The following KDM4B variants were observed in gnomAD, a reference collection of about 807,000 sequenced individuals.
The protein encoded by KDM4B is lysine demethylase 4B, also known as lysine-specific demethylase 4B.
A neutral mutation model predicts 125.2 loss-of-function variants in KDM4B; 32 were observed. The observed-to-expected ratio is 0.26, with a 90% confidence interval of 0.19 to 0.34. The LOEUF (loss-of-function observed/expected upper bound fraction) is 0.34, where lower values mean the gene tolerates loss of function less well. Ranked by LOEUF, KDM4B falls within the 10% of genes least tolerant of loss-of-function variation. The pLI, the probability that KDM4B is intolerant of heterozygous loss-of-function variation, is 1.00. For missense variants in KDM4B, 1,190 were observed against 1,577.7 expected (o/e 0.75, Z 4.16); for synonymous variants, 721 against 677.9 (o/e 1.06, Z -0.99).
At chr19:5,027,666 G>C (rs1375033951) in intron 2 of KDM4B, among the ~76,000 whole-genome samples, 1 of 150,212 alleles carries the variant, frequency 6.7e-6, no homozygotes, top group Non-Finnish European at 1.5e-5. Context: ...TCAGCCTCCT[G>C]AGTAGCTGGG....
At chr19:5,064,113 C>A (rs922518899) in intron 6 of KDM4B, among the ~76,000 whole-genome samples, 3 of 152,176 alleles carry the variant, frequency 2.0e-5, no homozygotes, top group South Asian at 2.1e-4. Flanking sequence ...GCGAGGGTGG[C>A]GGTCACCATG....
intron 14 of KDM4B, among the ~76,000 whole-genome samples, chr19:5,134,867 C>G (rs1450131766): frequency 6.6e-6 from 1 of 152,192 alleles, no homozygotes; most frequent in Non-Finnish European, 1.5e-5. Context: ...CTGAGACAAA[C>G]AAGACCTGAC....
intron 9 of KDM4B, among the ~76,000 whole-genome samples, chr19:5,108,225 G>C (rs1461005234): frequency 6.6e-6 from 1 of 152,244 alleles, no homozygotes; most frequent in African/African-American, 2.4e-5. Flanking sequence ...CTAAGCTGCT[G>C]TGGATGGGGA....
rs915193986 is a variant in KDM4B at position 5,113,788 on chromosome 19, A to C, written c.1115+2970A>C. The C allele has an allele frequency of 7.4e-6, 5 of 673,214 alleles. No homozygotes were observed. The African/African-American group carries it at 9.8e-5, about 13-fold the overall frequency. The allele number at this position is 673,214 out of a possible 1,614,324, so 41.7% of individuals were successfully genotyped here. The stretch of plus-strand genomic sequence containing the variant: ...GCGTGGGAACCCCTGCCCTAGACCA[A>C]GGGATGGCATCAGGGTGGGCGCCAT... On this transcript the variant is annotated intron_variant, in intron 10 of 22. Transcript: ENST00000159111.
chr19:5,030,749 G>A (rs1371511003), intron 2 of KDM4B, among the ~76,000 whole-genome samples: 1 of 152,254 alleles, frequency 6.6e-6, no homozygotes, highest in Non-Finnish European at 1.5e-5. Context: ...GGGCCTCTGT[G>A]CCTCCTCAAT....
rs2036507156 is a variant in KDM4B at position 5,033,025 on chromosome 19, G to A, written c.135G>A (p.Leu45=). 1.9e-6 allele frequency: 3 copies of A among 1,613,272 alleles called. No individual in the cohort carries two copies. The highest frequency in any genetic ancestry group is 8.5e-7 in the Non-Finnish European group (1 of 1,179,812). ...CGCAGGGAGCCCACCGGGCGGGCCTGGCCAAGGTGGGTGACATCCTGGCCC... is the reference window on the plus strand; with the variant it reads ...CGCAGGGAGCCCACCGGGCGGGCCTAGCCAAGGTGGGTGACATCCTGGCCC... The part of the protein sequence containing the change: ...IESQGAHRAG[L]AKIIPPKEWK... Residue 45 remains leucine, a synonymous_variant, in exon 3 of 23, where the codon CTG becomes CTA. Coordinates refer to ENST00000159111, the MANE Select transcript of KDM4B (RefSeq NM_015015.3).
At chr19:5,144,456 A>C (rs1015375066) in intron 20 of KDM4B, 44 bp downstream of exon 20, 1 of 1,500,756 alleles carries the variant, frequency 6.7e-7, no homozygotes. Context: ...GGCTGGGAGC[A>C]CAGCGACAAC....
intron 6 of KDM4B, among the ~76,000 whole-genome samples, chr19:5,055,254 C>T (rs1221349799): frequency 2.0e-5 from 3 of 152,200 alleles, no homozygotes; most frequent in Non-Finnish European, 2.9e-5. Context: ...TCGGGGCACT[C>T]ACCGGGGCTC....
intron 1 of KDM4B, among the ~76,000 whole-genome samples, chr19:5,008,584 T>A (rs2035630943): frequency 6.6e-6 from 1 of 150,704 alleles, no homozygotes; most frequent in Admixed American, 6.6e-5. Context: ...TTCTTCTTTT[T>A]CTTTTTCTTT....
At chr19:5,055,466 A>G (rs977856233) in intron 6 of KDM4B, among the ~76,000 whole-genome samples, 5 of 152,156 alleles carry the variant, frequency 3.3e-5, no homozygotes, top group African/African-American at 1.2e-4. Context: ...CGGTGTTTGG[A>G]TGGTCGATTG....
At chr19:5,002,689 G>A (rs140970167) in intron 1 of KDM4B, among the ~76,000 whole-genome samples, 83 of 152,042 alleles carry the variant, frequency 5.5e-4, no homozygotes, top group African/African-American at 1.6e-3. Context: ...AGCTGGGCAC[G>A]GTGGCTTACA....
chr19:5,151,373 G>C lies in KDM4B; in HGVS notation c.3153G>C (p.Ser1051=), dbSNP rs201917119. The change falls in exon 23 of 23, where the codon TCG becomes TCC. Residue 1051 remains serine (S), a synonymous_variant. Coordinates refer to ENST00000159111, the MANE Select transcript of KDM4B (RefSeq NM_015015.3). ...STGAPQEPAF[S]GEEAKAAKRP... is the part of the protein sequence containing the mutation. Reference sequence around the variant, plus strand: ...GGGCACCGCAGGAGCCCGCCTTCTCGGGGGAGGAGGCCAAGGCCGCCAAGC... The same window carrying C: ...GGGCACCGCAGGAGCCCGCCTTCTCCGGGGAGGAGGCCAAGGCCGCCAAGC... 1.4e-3 allele frequency: 2,243 copies of C among 1,587,110 alleles called. 2 individuals carry two copies. Among genetic ancestry groups the C allele is most frequent in the Middle Eastern group, 2.3e-3 (12 of 5,166 alleles).
At chr19:5,140,441 AAG>A (rs2146089689) in intron 18 of KDM4B, 1 of 152,526 alleles carries the variant, frequency 6.6e-6, no homozygotes, top group African/African-American at 2.4e-5. Context: ...CTGGCCCAGA[AAG>A]AAGATGAGGA....
intron 15 of KDM4B, among the ~76,000 whole-genome samples, chr19:5,136,350 G>T (rs1438107571): frequency 6.6e-6 from 1 of 152,222 alleles, no homozygotes; most frequent in Non-Finnish European, 1.5e-5. Flanking sequence ...CCCACGCACG[G>T]GGGGGCGGTG....
chr19:5,137,790 G>A lies in KDM4B; in HGVS notation c.2441+114G>A, dbSNP rs2039675495. ...GGTTGACCATCACCTCCACATAACC[G>A]CCCTGTGTCATGGATGGGGTGGCCA... On this transcript the variant is annotated intron_variant, in intron 17 of 22. Transcript: ENST00000159111. 2.8e-5 allele frequency: 31 copies of A among 1,120,242 alleles called. No homozygotes were observed. The South Asian group carries it at 3.0e-4, about 11-fold the overall frequency. 69.4% of individuals were successfully genotyped at this position (1,120,242 alleles called of 1,614,324 possible).
At chr19:5,070,963 G>A (rs961634408) in intron 6 of KDM4B, 47 bp from the exon 7 acceptor site, 3 of 1,608,578 alleles carry the variant, frequency 1.9e-6, no homozygotes, top group African/African-American at 1.3e-5. Flanking sequence ...ACCCCCTTGC[G>A]TGGCTGCCAC....
intron 18 of KDM4B, among the ~76,000 whole-genome samples, chr19:5,139,184 G>A (rs2039699611): frequency 6.6e-6 from 1 of 152,176 alleles, no homozygotes; most frequent in Admixed American, 6.5e-5. Context: ...GGCCTCCTGG[G>A]TAGCTGGGAT....
At chr19:5,006,235 C>T (rs1267012380) in intron 1 of KDM4B, among the ~76,000 whole-genome samples, 6 of 152,112 alleles carry the variant, frequency 3.9e-5, no homozygotes, top group Non-Finnish European at 8.8e-5. Flanking sequence ...TGGAACCCCA[C>T]CCTGCCTCTG....
rs371759291 is a variant in KDM4B at position 5,038,251 on chromosome 19, C to T, written c.142-1585C>T. 2.6e-5 allele frequency among the ~76,000 whole-genome samples: 4 copies of T among 152,204 alleles called. No individual in the cohort carries two copies. The East Asian group carries it at 5.8e-4, about 22-fold the overall frequency. On this transcript the variant is annotated intron_variant, in intron 3 of 22. Transcript: ENST00000159111. ...CCCGGAGCGGCTGGGAGGGCCTGCACAGAAGGGTGCCTGGCACCCAGAAGG... is the reference window on the plus strand; with the variant it reads ...CCCGGAGCGGCTGGGAGGGCCTGCATAGAAGGGTGCCTGGCACCCAGAAGG...
Sources: gnomAD v4.1 joint callset for allele counts (sites outside exome capture counted in the v4.1 genomes callset) on GRCh38, gnomAD v4.1.1 for gene constraint, MANE v1.5 for transcripts, NCBI Gene and HGNC (gene_info 2026-07-23, HGNC 2026-07-21) for gene names.